The following CNTNAP5 variants were observed in gnomAD, a reference collection of about 807,000 sequenced individuals.
CNTNAP5 encodes contactin-associated protein-like 5.
CNTNAP5 carries 72 observed loss-of-function variants against 150.2 expected under a neutral mutation model. The ratio of observed to expected loss-of-function variants is 0.48; its 90% CI spans 0.40 to 0.58. The LOEUF (loss-of-function observed/expected upper bound fraction) is 0.58. CNTNAP5 is among the 20% of genes least tolerant of loss of function. CNTNAP5 has a pLI of 0.00. For synonymous variants in CNTNAP5, 672 were observed against 619.8 expected, an observed-to-expected ratio of 1.08 and a Z score of -1.25; for missense variants, 1,636 against 1,626.2, an observed-to-expected ratio of 1.01 and a Z score of -0.10.
intron 21 of CNTNAP5, among the ~76,000 whole-genome samples, chr2:124,900,983 A>C (rs1423921614): frequency 1.3e-5 from 2 of 151,686 alleles, no homozygotes; most frequent in Non-Finnish European, 2.9e-5. Flanking sequence ...TGTGGGACAC[A>C]GTCTTTTAAT....
At chr2:124,361,405 A>G (rs200025362) in intron 3 of CNTNAP5, among the ~76,000 whole-genome samples, 3 of 133,342 alleles carry the variant, frequency 2.2e-5, no homozygotes, top group East Asian at 4.6e-4. Context: ...GAGTTTCCAG[A>G]TTTTCTGTTC....
intron 17 of CNTNAP5, among the ~76,000 whole-genome samples, chr2:124,784,886 G>A (rs1414588755): frequency 6.6e-6 from 1 of 152,028 alleles, no homozygotes; most frequent in Non-Finnish European, 1.5e-5. Flanking sequence ...TAGGGAATGT[G>A]AATGATATGA....
intron 13 of CNTNAP5, among the ~76,000 whole-genome samples, chr2:124,731,196 T>C (rs1680263403): frequency 6.6e-6 from 1 of 152,140 alleles, no homozygotes; most frequent in Non-Finnish European, 1.5e-5. Flanking sequence ...TTTTTGTTTG[T>C]TCATTAGCAT....
intron 1 of CNTNAP5, among the ~76,000 whole-genome samples, chr2:124,071,828 A>C (rs1249159647): frequency 6.6e-6 from 1 of 151,950 alleles, no homozygotes; most frequent in African/African-American, 2.4e-5. Flanking sequence ...AAACTATTTC[A>C]AAAAAATAGA....
chr2:124,766,975 A>G (rs1681082100), intron 16 of CNTNAP5, among the ~76,000 whole-genome samples: 2 of 152,194 alleles, frequency 1.3e-5, no homozygotes, highest in South Asian at 4.1e-4. Context: ...TATACTCTCA[A>G]ATATTTGTTA....
At chr2:124,372,252 C>A (rs1367595795) in intron 3 of CNTNAP5, among the ~76,000 whole-genome samples, 2 of 151,990 alleles carry the variant, frequency 1.3e-5, no homozygotes, top group African/African-American at 4.8e-5. Context: ...GGCTCTTAGT[C>A]CTTCAGCCTC....
At chr2:124,618,792 A>C (rs1389108143) in intron 12 of CNTNAP5, among the ~76,000 whole-genome samples, 1 of 152,192 alleles carries the variant, frequency 6.6e-6, no homozygotes, top group East Asian at 1.9e-4. Flanking sequence ...TAAAATTCAT[A>C]AGAATTAAGG....
intron 16 of CNTNAP5, among the ~76,000 whole-genome samples, chr2:124,769,709 C>A (rs747165071): frequency 3.4e-4 from 51 of 152,154 alleles, no homozygotes; most frequent in Non-Finnish European, 3.1e-4. Context: ...GCCAGGGCAA[C>A]TGCACAGGTT....
At chr2:124,783,129 G>A (rs1034350274) in intron 17 of CNTNAP5, among the ~76,000 whole-genome samples, 56 of 152,166 alleles carry the variant, frequency 3.7e-4, no homozygotes, top group African/African-American at 1.3e-3. Flanking sequence ...CTGGAGGGAA[G>A]CTTCTGGCGT....
At chr2:124,872,356 G>A (rs1175155108) in intron 21 of CNTNAP5, among the ~76,000 whole-genome samples, 1 of 146,140 alleles carries the variant, frequency 6.8e-6, no homozygotes. Context: ...TTTTCCTGTG[G>A]TAACTTGTTT....
chr2:124,283,018 T>C (rs1688053262), intron 3 of CNTNAP5, among the ~76,000 whole-genome samples: 1 of 151,578 alleles, frequency 6.6e-6, no homozygotes, highest in Non-Finnish European at 1.5e-5. Flanking sequence ...TTTGACCTAC[T>C]TTCGGGTCAC....
chr2:124,624,769 A>T (rs1004318046), intron 12 of CNTNAP5, among the ~76,000 whole-genome samples: 12 of 152,208 alleles, frequency 7.9e-5, no homozygotes, highest in Non-Finnish European at 4.4e-5. Flanking sequence ...ACAGGGGTTG[A>T]AAGTACACAA....
At chr2:124,441,634 T>A (rs1692676539) in intron 5 of CNTNAP5, among the ~76,000 whole-genome samples, 1 of 152,072 alleles carries the variant, frequency 6.6e-6, no homozygotes, top group Admixed American at 6.6e-5. Context: ...ATCATTTTGA[T>A]GGCTATTTAA....
chr2:124,817,856 G>T (rs551610309), intron 19 of CNTNAP5, among the ~76,000 whole-genome samples: 1 of 152,136 alleles, frequency 6.6e-6, no homozygotes, highest in East Asian at 1.9e-4. Context: ...AATCTGGCCT[G>T]GGGGTAAATA....
chr2:124,874,632 G>A (rs558602241), intron 21 of CNTNAP5, among the ~76,000 whole-genome samples: 20 of 151,988 alleles, frequency 1.3e-4, no homozygotes, highest in Admixed American at 9.2e-4. Context: ...TAAGAATTAA[G>A]TTATTATTAT....
chr2:124,307,857 C>A (rs867144480), intron 3 of CNTNAP5, among the ~76,000 whole-genome samples: 2 of 152,130 alleles, frequency 1.3e-5, no homozygotes, highest in Non-Finnish European at 1.5e-5. Flanking sequence ...CAGAGTCTTC[C>A]CTAAACCTGG....
chr2:124,722,643 C>A (rs190265044), intron 13 of CNTNAP5, among the ~76,000 whole-genome samples: 23 of 152,250 alleles, frequency 1.5e-4, no homozygotes, highest in Non-Finnish European at 2.9e-4. Flanking sequence ...TGGGTGGTAG[C>A]CCCATCCATA....
intron 19 of CNTNAP5, among the ~76,000 whole-genome samples, chr2:124,806,216 G>A (rs1418565571): frequency 6.6e-6 from 1 of 152,010 alleles, no homozygotes; most frequent in African/African-American, 2.4e-5. Context: ...ATTATTCTTG[G>A]ATTTAATTAA....
chr2:124,884,878 AC>A (rs1272055962), intron 21 of CNTNAP5, among the ~76,000 whole-genome samples: 1 of 151,982 alleles, frequency 6.6e-6, no homozygotes, highest in Non-Finnish European at 1.5e-5. Context: ...TATAAAGGGT[AC>A]TTTTTCGAAC....
Sources: allele counts gnomAD v4.1 joint callset (sites outside exome capture counted in the v4.1 genomes callset), GRCh38; gene constraint gnomAD v4.1.1; transcripts MANE v1.5; gene names NCBI Gene and HGNC (gene_info 2026-07-23, HGNC 2026-07-21).